CCDC9: variants seen among roughly 807,000 people sequenced by gnomAD.
CCDC9 encodes the protein coiled-coil domain containing 9.
CCDC9 carries 52 observed loss-of-function variants against 65.6 expected under a neutral mutation model. That is an observed-to-expected ratio of 0.79 (90% CI 0.63 to 1.00). The LOEUF (loss-of-function observed/expected upper bound fraction) is 1.00, where lower values mean the gene tolerates loss of function less well. CCDC9 is among the 50% of genes least tolerant of loss of function. The probability of loss-of-function intolerance (pLI) is 0.00; values close to 1 mark genes in which losing one functional copy is unlikely to be tolerated. For synonymous variants in CCDC9, 332 were observed against 280.3 expected, an observed-to-expected ratio of 1.18 and a Z score of -1.84; for missense variants, 834 against 757.2, an observed-to-expected ratio of 1.10 and a Z score of -1.19.
At chr19:47,257,203 C>T (rs1473324414) in intron 1 of CCDC9, among the ~76,000 whole-genome samples, 1 of 144,622 alleles carries the variant, frequency 6.9e-6, no homozygotes, top group Non-Finnish European at 1.5e-5. Context: ...CAGATGCTGA[C>T]GCAACGAGGT....
intron 5 of CCDC9, among the ~76,000 whole-genome samples, chr19:47,261,557 C>A (rs1174980795): frequency 6.6e-6 from 1 of 151,728 alleles, no homozygotes; most frequent in Non-Finnish European, 1.5e-5. Context: ...TAAGAAAATT[C>A]AAAAATTAGC....
In CCDC9 at chr19:47,264,853, G is replaced by A. The variant is rs754617753; in HGVS notation, c.627G>A (p.Glu209=). 1 of 1,517,634 alleles carries A rather than the reference G, an allele frequency of 6.6e-7. No individual in the cohort carries two copies. Among genetic ancestry groups the A allele is most frequent in the Non-Finnish European group, 8.8e-7 (1 of 1,134,002 alleles). The allele number at this position is 1,517,634 out of a possible 1,614,324, so 94.0% of individuals were successfully genotyped here. Residue 209 remains glutamate (E), a synonymous_variant, in exon 7 of 12, where the codon GAG becomes GAA. Coordinates refer to ENST00000221922, the MANE Select transcript of CCDC9 (RefSeq NM_015603.3). ...GCAGCGGGCCCCTGGAGGAGTCTGA[G>A]CGGGACCGCCGGGAGGAGAGCCGCC... is the stretch of plus-strand genomic sequence containing the variant. ...RRRSGPLEES[E]RDRREESRRH...
intron 7 of CCDC9, 23 bp downstream of exon 7, chr19:47,264,969 C>A (rs2059071621): frequency 2.1e-6 from 3 of 1,431,382 alleles, no homozygotes; most frequent in Non-Finnish European, 2.7e-6. Flanking sequence ...AGTGAGGACA[C>A]CTCGGGGCTC....
chr19:47,272,045 T>G, downstream of CCDC9: 3 of 1,237,302 alleles, frequency 2.4e-6, no homozygotes, highest in Non-Finnish European at 1.0e-6. Flanking sequence ...GAAAGGGGGC[T>G]TGACTGGGGC....
downstream of CCDC9, chr19:47,273,903 A>G: frequency 1.1e-6 from 1 of 904,884 alleles, no homozygotes; most frequent in African/African-American, 1.8e-5. Flanking sequence ...CTGTGGCGGA[A>G]GAGGCGGAAG....
At chr19:47,263,508 C>A (rs1281239276) in intron 5 of CCDC9, among the ~76,000 whole-genome samples, 1 of 152,104 alleles carries the variant, frequency 6.6e-6, no homozygotes, top group East Asian at 1.9e-4. Context: ...ATTCAGCACT[C>A]CAGGTTTTTA....
intron 8 of CCDC9, among the ~76,000 whole-genome samples, chr19:47,268,362 A>T (rs536969328): frequency 3.3e-5 from 5 of 152,222 alleles, no homozygotes; most frequent in African/African-American, 1.2e-4. Flanking sequence ...CCTGTGTTGA[A>T]AGTTTTCATT....
chr19:47,259,616 G>A (rs551699369), intron 3 of CCDC9, among the ~76,000 whole-genome samples: 14 of 152,230 alleles, frequency 9.2e-5, no homozygotes, highest in African/African-American at 2.9e-4. Context: ...GAGGTGGCAT[G>A]GGTTTCATTT....
In CCDC9 at chr19:47,260,542, C is replaced by T. The variant is rs200322146; in HGVS notation, c.211-46C>T. ...GGGTGGCCTCCATCCTGGCCGCATG[C>T]CTCCCTGCCCCAGTGACTGTATTTT... On this transcript the variant is annotated intron_variant, in intron 4 of 11. Coordinates refer to ENST00000221922, the MANE Select transcript of CCDC9 (RefSeq NM_015603.3). The T allele has an allele frequency of 3.2e-4, 497 of 1,557,818 alleles. 4 individuals are homozygous for T. In the East Asian group the frequency reaches 0.011, roughly 33 times the overall value.
downstream of CCDC9, chr19:47,273,511 C>G (rs930097509): frequency 3.1e-5 from 17 of 541,596 alleles, no homozygotes; most frequent in African/African-American, 1.8e-4. Flanking sequence ...CTCCCACCGC[C>G]TCGCTCCTCT....
At chr19:47,275,235 C>T (rs942056152), downstream of CCDC9, 106 of 1,535,354 alleles carry the variant, frequency 6.9e-5, no homozygotes, top group Non-Finnish European at 8.9e-5. Context: ...GCCGCGACCC[C>T]AGCTCCAGCT....
At chr19:47,264,715 G>A in intron 6 of CCDC9, 29 bp downstream of exon 6, 1 of 1,602,274 alleles carries the variant, frequency 6.2e-7, no homozygotes. Flanking sequence ...CCCGAGGCAG[G>A]GCCGAGCTGC....
chr19:47,271,632 C>G lies in CCDC9; in HGVS notation c.1550C>G (p.Ala517Gly), dbSNP rs2059118694. Residue 517 changes from alanine to glycine, a missense_variant, in exon 12 of 12, where the codon GCT becomes GGT. By Grantham distance (60) the Ala-to-Gly change is moderately conservative. Coordinates refer to ENST00000221922, the MANE Select transcript of CCDC9 (RefSeq NM_015603.3). ...AATTCTCCCCGGACCACTCACCTGGCTGGCGCCCTCTCCCCGGGTGAGGCC... is the reference window on the plus strand; with the variant it reads ...AATTCTCCCCGGACCACTCACCTGGGTGGCGCCCTCTCCCCGGGTGAGGCC... ...ELNSPRTTHL[A>G]GALSPGEAWP... 6.2e-7 allele frequency: 1 copy of G among 1,607,674 alleles called. No individual in the cohort carries two copies. The highest frequency in any genetic ancestry group is 8.5e-7 in the Non-Finnish European group (1 of 1,176,662).
At chr19:47,268,571 G>A (rs555837759) in intron 8 of CCDC9, among the ~76,000 whole-genome samples, 3 of 152,274 alleles carry the variant, frequency 2.0e-5, no homozygotes, top group Admixed American at 6.5e-5. Flanking sequence ...CAATGAGAAA[G>A]TATTTGTTTT....
downstream of CCDC9, among the ~76,000 whole-genome samples, chr19:47,272,955 A>G (rs1314380213): frequency 6.8e-6 from 1 of 147,274 alleles, no homozygotes; most frequent in African/African-American, 2.5e-5. Context: ...ACTGGTTAGA[A>G]TAGCAGGCGT....
downstream of CCDC9, chr19:47,274,863 G>T: frequency 9.1e-7 from 1 of 1,099,672 alleles, no homozygotes; most frequent in Non-Finnish European, 1.1e-6. Context: ...TGGGGGCGGG[G>T]CCTGGTGGGG....
Position 47,260,408 on chromosome 19 carries a change from G to A in CCDC9, c.196G>A (p.Val66Met), listed in dbSNP as rs769582772. 5.0e-6 allele frequency: 8 copies of A among 1,608,034 alleles called. No individual in the cohort carries two copies. Among genetic ancestry groups the A allele is most frequent in the East Asian group, 4.5e-5 (2 of 44,544 alleles). Residue 66 changes from valine to methionine, a missense_variant, in exon 4 of 12, where the codon GTG (valine) becomes ATG (methionine). By Grantham distance (21) the Val-to-Met change is conservative. Coordinates refer to ENST00000221922, the MANE Select transcript of CCDC9 (RefSeq NM_015603.3). ...GGGCCGCTCAGTGGAGAAGGAGAAC[G>A]TGGCAGTGGAGTCGGTGAGCTCGTC... Reference protein sequence around the residue: ...RKGRSVEKENVAVESEKNLGP... With the variant: ...RKGRSVEKENMAVESEKNLGP...
At chr19:47,263,791 C>G (rs1406050454) in intron 5 of CCDC9, among the ~76,000 whole-genome samples, 1 of 151,948 alleles carries the variant, frequency 6.6e-6, no homozygotes, top group Non-Finnish European at 1.5e-5. Context: ...GTCTCGAACT[C>G]CTGACCTCGT....
At chr19:47,260,279 CA>C (rs2059036234) in intron 3 of CCDC9, 41 bp from the exon 4 acceptor site, 2 of 1,421,302 alleles carry the variant, frequency 1.4e-6, no homozygotes, top group Admixed American at 3.9e-5. Context: ...GTCTGGCAGA[CA>C]GGGCACCTGA....
Sources: allele counts gnomAD v4.1 joint callset (sites outside exome capture counted in the v4.1 genomes callset), GRCh38; gene constraint gnomAD v4.1.1; transcripts MANE v1.5; gene names NCBI Gene and HGNC (gene_info 2026-07-23, HGNC 2026-07-21).